Variants in NR4A3 observed in about 807,000 individuals in gnomAD.
NR4A3 encodes chondrosarcoma, extraskeletal myxoid, fused to EWS.
Under a neutral mutation model 55.6 loss-of-function variants are expected in NR4A3, and 13 were observed. The observed-to-expected ratio is 0.23, with a 90% CI of 0.15 to 0.37. NR4A3 has a LOEUF of 0.37. Ranked by LOEUF, NR4A3 falls within the 10% of genes least tolerant of loss-of-function variation. NR4A3 has a pLI of 1.00. For synonymous variants in NR4A3, 342 were observed against 357.9 expected, an observed-to-expected ratio of 0.96 and a Z score of 0.50; for missense variants, 646 against 822.8, an observed-to-expected ratio of 0.79 and a Z score of 2.63.
chr9:99,826,739 A>C, intron 2 of NR4A3: 1 of 1,611,902 alleles, frequency 6.2e-7, no homozygotes. Context: ...GGCCCTCATC[A>C]CCTTTTTTCA....
rs575180948 is a variant in NR4A3, at chr9:99,828,708, C to G, written c.666C>G (p.Ser222Arg). The change falls in exon 3 of 8, where the codon AGC becomes AGG. Residue 222 changes from serine (S) to arginine (R), a missense_variant. Ser to Arg is a moderately radical substitution (Grantham distance 110). This residue lies in a region of NR4A3 where 426 missense variants were observed against 429.4 expected (regional missense o/e 0.99). Coordinates refer to ENST00000395097, the MANE Select transcript of NR4A3 (RefSeq NM_006981.4). This position sits in a 1 kb window ranked among gnomAD's most constrained non-coding sequence, Gnocchi z 7.7. ...ACCCGACGGCCGCTGCCGCGCTCAG[C>G]CTGCCGCTGGGAGCCGCAGCCGCCG... ...GYDPTAAAAL[S>R]LPLGAAAAAG... is the part of the protein sequence containing the mutation. 3.0e-6 allele frequency: 4 copies of G among 1,312,038 alleles called. No individual in the cohort carries two copies. The highest frequency in any genetic ancestry group is 3.9e-6 in the Non-Finnish European group (4 of 1,036,382). 81.3% of individuals were successfully genotyped at this position (1,312,038 alleles called of 1,614,324 possible).
chr9:99,839,731 C>T (rs1196806341), intron 5 of NR4A3, among the ~76,000 whole-genome samples: 1 of 152,114 alleles, frequency 6.6e-6, no homozygotes, highest in Non-Finnish European at 1.5e-5. Flanking sequence ...AGATCAATAA[C>T]CCCTATAGGG....
chr9:99,839,269 G>C (rs915004829), intron 5 of NR4A3, among the ~76,000 whole-genome samples: 1 of 152,174 alleles, frequency 6.6e-6, no homozygotes, highest in Admixed American at 6.5e-5. Context: ...CTAAGAATAT[G>C]TATACATAGT....
intron 1 of NR4A3, among the ~76,000 whole-genome samples, chr9:99,823,144 C>A (rs563332041): frequency 2.0e-5 from 3 of 152,326 alleles, no homozygotes; most frequent in African/African-American, 7.2e-5. Flanking sequence ...GACGGTGTCC[C>A]TCTCCTCTGG....
At chr9:99,861,646 A>G (rs1828011189) in intron 7 of NR4A3, among the ~76,000 whole-genome samples, 1 of 152,216 alleles carries the variant, frequency 6.6e-6, no homozygotes, top group African/African-American at 2.4e-5. Context: ...CAAATCATAC[A>G]CAACTAGCCA....
intron 7 of NR4A3, among the ~76,000 whole-genome samples, chr9:99,861,237 A>C (rs1317861135): frequency 2.0e-5 from 3 of 152,222 alleles, no homozygotes; most frequent in Non-Finnish European, 4.4e-5. Context: ...ATAACATATC[A>C]GGCCAGGTGC....
At chr9:99,862,505 G>A (rs1048748013) in intron 7 of NR4A3, among the ~76,000 whole-genome samples, 9 of 130,884 alleles carry the variant, frequency 6.9e-5, no homozygotes, top group Non-Finnish European at 1.2e-4. Context: ...AGCCAAGATC[G>A]CACCACTGCA....
At position 99,833,387 on chromosome 9, in the gene NR4A3, T is replaced by C. The variant is rs1211607692; in HGVS notation, c.1187T>C (p.Ile396Thr). 1.9e-6 allele frequency: 3 copies of C among 1,614,128 alleles called. No individual in the cohort carries two copies. Among genetic ancestry groups the C allele is most frequent in the African/African-American group, 1.3e-5 (1 of 75,038 alleles). The change falls in exon 5 of 8, where the codon ATC becomes ACC. Residue 396 changes from isoleucine (I) to threonine (T), a missense_variant. Transcript: ENST00000395097. ...CAGCCCTCTCCACCTTCTCCTCCAATCTGCATGATGAATGCCCTTGTCCGA... is the reference window on the plus strand; with the variant it reads ...CAGCCCTCTCCACCTTCTCCTCCAACCTGCATGATGAATGCCCTTGTCCGA... The part of the protein sequence containing the change: ...PSQPSPPSPP[I>T]CMMNALVRAL...
intron 5 of NR4A3, chr9:99,833,799 T>G: frequency 7.6e-7 from 1 of 1,316,496 alleles, no homozygotes; most frequent in Non-Finnish European, 9.8e-7. Flanking sequence ...ACTGTTTTTT[T>G]TCATATTGTG....
At chr9:99,845,622 C>G (rs981916404) in intron 6 of NR4A3, among the ~76,000 whole-genome samples, 1 of 152,144 alleles carries the variant, frequency 6.6e-6, no homozygotes, top group Non-Finnish European at 1.5e-5. Context: ...TCCCCTCTTT[C>G]TCTTTCCTGC....
chr9:99,857,812 G>A (rs1256081593), intron 7 of NR4A3, among the ~76,000 whole-genome samples: 2 of 151,938 alleles, frequency 1.3e-5, no homozygotes, highest in Non-Finnish European at 2.9e-5. Flanking sequence ...TAGAGTTCAG[G>A]TCTACAGCCA....
chr9:99,847,138 C>T (rs536448722), intron 6 of NR4A3, among the ~76,000 whole-genome samples: 1 of 152,340 alleles, frequency 6.6e-6, no homozygotes, highest in Admixed American at 6.5e-5. Flanking sequence ...TGCCTGCTCC[C>T]CCATTTCCTG....
chr9:99,827,251 TA>T (rs1390649838), intron 2 of NR4A3, among the ~76,000 whole-genome samples: 1 of 140,048 alleles, frequency 7.1e-6, no homozygotes, highest in Non-Finnish European at 1.5e-5. Flanking sequence ...AGAATTGGGA[TA>T]TATATATGTG....
At position 99,828,581 on chromosome 9, in the gene NR4A3, T is replaced by C; in HGVS notation, c.539T>C (p.Val180Ala). ...CTGCTGGACCCGCCGATGAAGGCGG[T>C]CCCCACGGTGGCCGGCGCGCGCTTC... ...GPLLDPPMKA[V>A]PTVAGARFPL... The change falls in exon 3 of 8, where the codon GTC (valine) becomes GCC (alanine). Residue 180 changes from valine to alanine, a missense_variant. Transcript: ENST00000395097. The surrounding 1 kb of genome is among the most constrained non-coding windows in gnomAD (Gnocchi z 7.7). The C allele has an allele frequency of 6.4e-7, 1 of 1,565,624 alleles. No individual in the cohort carries two copies. Among genetic ancestry groups the C allele is most frequent in the Non-Finnish European group, 8.6e-7 (1 of 1,164,854 alleles).
chr9:99,865,760 T>C lies in NR4A3; in HGVS notation c.*1893T>C, dbSNP rs985297971. On this transcript the variant is annotated 3_prime_UTR_variant, in exon 8 of 8. Transcript: ENST00000395097. The surrounding 1 kb of genome is among the most constrained non-coding windows in gnomAD (Gnocchi z 4.3). ...AGTATAACCCAGATAGGAAATCATA[T>C]GTTTTTTTCCAAGAGTCATTCTAAT... The C allele has an allele frequency of 1.4e-5, 3 of 208,056 alleles. No individual in the cohort carries two copies. The highest frequency in any genetic ancestry group is 4.6e-5 in the African/African-American group (2 of 43,954). 12.9% of individuals were successfully genotyped at this position (208,056 alleles called of 1,614,324 possible). A position where few individuals can be genotyped will look rare whatever the true frequency, so the allele number is the denominator to read the frequency against.
chr9:99,834,906 G>T (rs915849207), intron 5 of NR4A3: 3 of 984,826 alleles, frequency 3.0e-6, no homozygotes, highest in African/African-American at 3.5e-5. Context: ...AAATAATAGT[G>T]TAAGAGAATA....
intron 5 of NR4A3, among the ~76,000 whole-genome samples, chr9:99,843,713 A>G (rs1248888589): frequency 1.3e-5 from 2 of 149,538 alleles, no homozygotes; most frequent in African/African-American, 4.9e-5. Flanking sequence ...GTCTACCCCC[A>G]GAGTTTCTAA....
chr9:99,836,158 C>CGCTAA (rs1389935015), intron 5 of NR4A3, among the ~76,000 whole-genome samples: 1 of 152,132 alleles, frequency 6.6e-6, no homozygotes, highest in Non-Finnish European at 1.5e-5. Flanking sequence ...TGGGAGGGAT[C>CGCTAA]GCTAATATGA....
intron 5 of NR4A3, among the ~76,000 whole-genome samples, chr9:99,842,722 A>G (rs1587880702): frequency 1.3e-5 from 2 of 151,510 alleles, no homozygotes; most frequent in African/African-American, 4.9e-5. Context: ...AGAGCAAGAC[A>G]CCATCTCAAA....
Sources: gnomAD v4.1 joint callset for allele counts (sites outside exome capture counted in the v4.1 genomes callset) on GRCh38, gnomAD v4.1.1 for gene constraint, gnomAD v4.1.1 regional missense constraint, Gnocchi (gnomAD v3.1) non-coding constraint, MANE v1.5 for transcripts, NCBI Gene and HGNC (gene_info 2026-07-23, HGNC 2026-07-21) for gene names.